Variants in CATSPERT observed in about 807,000 individuals in gnomAD.
CATSPERT encodes catsper channel auxiliary subunit tau.
chr2:201,534,486 GTTAATAT>G, the CATSPERT span: 1 of 983,180 alleles, frequency 1.0e-6, no homozygotes, highest in Non-Finnish European at 1.2e-6. Context: ...CATACAAGTG[GTTAATAT>G]CTTGAAAATA....
chr2:201,599,253 CT>C, the CATSPERT span, among the ~76,000 whole-genome samples: 1 of 152,088 alleles, frequency 6.6e-6, no homozygotes, highest in Admixed American at 6.6e-5. Context: ...TTCCACCCCA[CT>C]CACCCCCTAA....
At chr2:201,613,841 A>T in the CATSPERT span, among the ~76,000 whole-genome samples, 2 of 152,220 alleles carry the variant, frequency 1.3e-5, no homozygotes, top group African/African-American at 4.8e-5. Flanking sequence ...TAATTAGAAT[A>T]AACACTGTAG....
chr2:201,615,317 C>T, the CATSPERT span, among the ~76,000 whole-genome samples: 1 of 152,166 alleles, frequency 6.6e-6, no homozygotes, highest in African/African-American at 2.4e-5. Context: ...TAAAGCACTC[C>T]TCAGCAAATG....
chr2:201,591,874 G>A, the CATSPERT span, among the ~76,000 whole-genome samples: 2 of 151,880 alleles, frequency 1.3e-5, no homozygotes, highest in African/African-American at 4.8e-5. Context: ...ATCAGCTTAA[G>A]GAGATTTTGG....
the CATSPERT span, among the ~76,000 whole-genome samples, chr2:201,581,546 GTGTATATATATATA>G: frequency 7.5e-4 from 11 of 14,724 alleles, no homozygotes; most frequent in African/African-American, 1.3e-3. Context: ...AAAAAAATGT[GTGTATATATATATA>G]TATATATATA....
chr2:201,581,232 C>T, the CATSPERT span, among the ~76,000 whole-genome samples: 1 of 151,028 alleles, frequency 6.6e-6, no homozygotes, highest in South Asian at 2.1e-4. Context: ...ACAGCAAAAC[C>T]CTGTCTCTAC....
chr2:201,573,607 G>A, the CATSPERT span, among the ~76,000 whole-genome samples: 2,285 of 152,224 alleles, frequency 0.015, 61 homozygotes, highest in African/African-American at 0.052. Flanking sequence ...TTGAATACTT[G>A]TGTTTCAAAT....
chr2:201,559,304 T>C, the CATSPERT span, among the ~76,000 whole-genome samples: 2 of 152,216 alleles, frequency 1.3e-5, no homozygotes, highest in African/African-American at 4.8e-5. Flanking sequence ...CCAGTGGCCA[T>C]GCCCCTGAGC....
chr2:201,523,079 C>T, the CATSPERT span, among the ~76,000 whole-genome samples: 1 of 152,156 alleles, frequency 6.6e-6, no homozygotes, highest in South Asian at 2.1e-4. Context: ...CTGCAGCCTC[C>T]CCCCACCACT....
At chr2:201,493,479 A>G in the CATSPERT span, 4 of 1,537,142 alleles carry the variant, frequency 2.6e-6, no homozygotes, top group Non-Finnish European at 3.5e-6. Context: ...AAGAACTCTT[A>G]TGGTGTTCTT....
chr2:201,559,251 G>A, the CATSPERT span, among the ~76,000 whole-genome samples: 1 of 152,304 alleles, frequency 6.6e-6, no homozygotes, highest in African/African-American at 2.4e-5. Context: ...AAGCAGCCAA[G>A]AGCCCATGTC....
the CATSPERT span, among the ~76,000 whole-genome samples, chr2:201,536,638 C>T: frequency 6.6e-6 from 1 of 151,732 alleles, no homozygotes; most frequent in Non-Finnish European, 1.5e-5. Flanking sequence ...ACCAATATAT[C>T]ATGAAACAAA....
the CATSPERT span, among the ~76,000 whole-genome samples, chr2:201,564,318 A>G: frequency 6.6e-6 from 1 of 152,228 alleles, no homozygotes; most frequent in African/African-American, 2.4e-5. Flanking sequence ...CTGTAGGTAT[A>G]TGTAATTAAA....
At chr2:201,574,394 C>T in the CATSPERT span, 2 of 736,136 alleles carry the variant, frequency 2.7e-6, no homozygotes, top group Non-Finnish European at 4.1e-6. Context: ...GTATGAATCT[C>T]CTGACTTTTA....
the CATSPERT span, among the ~76,000 whole-genome samples, chr2:201,541,509 C>T: frequency 7.1e-6 from 1 of 139,882 alleles, no homozygotes; most frequent in African/African-American, 2.7e-5. Flanking sequence ...AATATTGCAA[C>T]TCACTGAAGG....
the CATSPERT span, among the ~76,000 whole-genome samples, chr2:201,572,956 C>A: frequency 4.6e-5 from 7 of 151,948 alleles, no homozygotes; most frequent in African/African-American, 1.7e-4. Flanking sequence ...TTTAAAAAGA[C>A]CCAAAACTTT....
chr2:201,612,596 A>G, the CATSPERT span, among the ~76,000 whole-genome samples: 1 of 150,558 alleles, frequency 6.6e-6, no homozygotes, highest in Admixed American at 6.6e-5. Context: ...AAAAAAAAAA[A>G]AAAGCCAAGA....
chr2:201,584,593 A>G, the CATSPERT span, among the ~76,000 whole-genome samples: 4 of 151,484 alleles, frequency 2.6e-5, no homozygotes. Flanking sequence ...GACCAGCCTG[A>G]CCAACATGGT....
At chr2:201,599,015 G>A in the CATSPERT span, among the ~76,000 whole-genome samples, 1 of 151,982 alleles carries the variant, frequency 6.6e-6, no homozygotes, top group African/African-American at 2.4e-5. Flanking sequence ...ATCCTAAACT[G>A]GTTTCCTGGC....
Sources: gnomAD v4.1 joint callset for allele counts (sites outside exome capture counted in the v4.1 genomes callset) on GRCh38, gnomAD v4.1.1 for gene constraint, MANE v1.5 for transcripts, NCBI Gene and HGNC (gene_info 2026-07-23, HGNC 2026-07-21) for gene names.